The following TAF3 variants were observed in gnomAD, a reference collection of about 807,000 sequenced individuals.
The protein encoded by TAF3 is TATA-box binding protein associated factor 3.
TAF3 carries 7 observed loss-of-function variants against 80.6 expected under a neutral mutation model. The observed-to-expected ratio is 0.09, with a 90% CI of 0.05 to 0.16. TAF3 has a LOEUF of 0.16. Ranked by LOEUF, TAF3 falls within the 10% of genes least tolerant of loss-of-function variation. The pLI, the probability that TAF3 is intolerant of heterozygous loss-of-function variation, is 1.00. For synonymous variants in TAF3, 444 were observed against 446.1 expected, an observed-to-expected ratio of 1.00 and a Z score of 0.06; for missense variants, 921 against 1,140.2, an observed-to-expected ratio of 0.81 and a Z score of 2.77.
At position 7,818,554 on chromosome 10, in the gene TAF3, C is replaced by T. The variant is rs138979167; in HGVS notation, c.-156C>T. On this transcript the variant is annotated 5_prime_UTR_variant, in exon 1 of 7. Transcript: ENST00000344293. ...ATGGCGGCTCTCAGGCTGGCGCGCTCCGTGCTGCTGGGGCTTTGAGGTGGT... is the reference window on the plus strand; with the variant it reads ...ATGGCGGCTCTCAGGCTGGCGCGCTTCGTGCTGCTGGGGCTTTGAGGTGGT... 2.1e-5 allele frequency: 15 copies of T among 727,798 alleles called. No homozygotes were observed. The East Asian group carries it at 4.4e-4, about 21-fold the overall frequency. 45.1% of individuals were successfully genotyped at this position (727,798 alleles called of 1,614,324 possible).
intron 2 of TAF3, among the ~76,000 whole-genome samples, chr10:7,959,065 A>G (rs1025910129): frequency 1.3e-5 from 2 of 151,986 alleles, no homozygotes; most frequent in Non-Finnish European, 2.9e-5. Context: ...CCGTGAACCC[A>G]GGAGGCGGAG....
intron 2 of TAF3, among the ~76,000 whole-genome samples, chr10:7,960,272 A>G (rs1486453923): frequency 6.6e-6 from 1 of 152,222 alleles, no homozygotes; most frequent in African/African-American, 2.4e-5. Context: ...AGTTGAGCAG[A>G]TCTGAAGTCC....
chr10:7,858,472 A>G (rs1010779786), intron 2 of TAF3, among the ~76,000 whole-genome samples: 22 of 152,148 alleles, frequency 1.4e-4, no homozygotes, highest in Admixed American at 4.6e-4. Flanking sequence ...TCTTGCATCT[A>G]TACTTAACTG....
intron 2 of TAF3, among the ~76,000 whole-genome samples, chr10:7,953,778 GCAAA>G (rs1339229973): frequency 1.2e-4 from 18 of 152,310 alleles, no homozygotes; most frequent in African/African-American, 4.3e-4. Flanking sequence ...CACATCATAG[GCAAA>G]TGAATGAATT....
rs148149216 is a variant in TAF3, at chr10:7,971,792, C to T, written c.2233-5449C>T. Reference sequence around the variant, plus strand: ...GAGTTAGAGCTTTATCAGTTGGTGCCCTGAGGTGTGTGGCGAAGAAGCTAA... The same window carrying T: ...GAGTTAGAGCTTTATCAGTTGGTGCTCTGAGGTGTGTGGCGAAGAAGCTAA... On this transcript the variant is annotated intron_variant, in intron 3 of 6. Transcript: ENST00000344293. Among the ~76,000 whole-genome samples, 452 of 152,048 alleles carry T rather than the reference C, an allele frequency of 3.0e-3. 3 individuals carry two copies. Among genetic ancestry groups the T allele is most frequent in the South Asian group, 8.3e-3 (40 of 4,808 alleles).
intron 2 of TAF3, among the ~76,000 whole-genome samples, chr10:7,875,259 A>G (rs923063213): frequency 1.3e-5 from 2 of 152,154 alleles, no homozygotes; most frequent in Non-Finnish European, 2.9e-5. Flanking sequence ...TGCAGGTAAT[A>G]TAAGCATGTG....
intron 2 of TAF3, among the ~76,000 whole-genome samples, chr10:7,915,444 A>C (rs1174545415): frequency 7.0e-6 from 1 of 142,208 alleles, no homozygotes; most frequent in Admixed American, 7.0e-5. Context: ...GGAGATCGAG[A>C]CCATCCTGGC....
intron 2 of TAF3, among the ~76,000 whole-genome samples, chr10:7,831,510 T>C (rs1836799959): frequency 6.6e-6 from 1 of 152,148 alleles, no homozygotes; most frequent in Non-Finnish European, 1.5e-5. Context: ...CACGCCCGGC[T>C]AATTTTTGTA....
intron 4 of TAF3, among the ~76,000 whole-genome samples, chr10:8,006,255 A>C (rs1013019351): frequency 6.6e-6 from 1 of 151,514 alleles, no homozygotes; most frequent in Non-Finnish European, 1.5e-5. Context: ...GCATGCCTGT[A>C]ATCCCAGCTA....
intron 3 of TAF3, among the ~76,000 whole-genome samples, chr10:7,973,641 A>C: frequency 6.6e-6 from 1 of 152,224 alleles, no homozygotes; most frequent in Non-Finnish European, 1.5e-5. Context: ...TAAAAACCTT[A>C]ATGAGCACAT....
chr10:7,836,504 C>T (rs570059763), intron 2 of TAF3, among the ~76,000 whole-genome samples: 1 of 152,072 alleles, frequency 6.6e-6, no homozygotes, highest in Non-Finnish European at 1.5e-5. Context: ...GAACTCCCGA[C>T]CTTGGGTGAT....
chr10:7,874,004 A>G (rs1837292446), intron 2 of TAF3, among the ~76,000 whole-genome samples: 1 of 152,240 alleles, frequency 6.6e-6, no homozygotes, highest in Non-Finnish European at 1.5e-5. Flanking sequence ...AGCAAGGTCA[A>G]GATAAGTTTT....
At chr10:7,991,700 G>A (rs12258684) in intron 4 of TAF3, among the ~76,000 whole-genome samples, 26,661 of 152,030 alleles carry the variant, frequency 0.18, 3,392 homozygotes, top group African/African-American at 0.36. Flanking sequence ...CTCTAAATAA[G>A]TATATATACA....
chr10:7,976,426 T>G (rs1297889808), intron 3 of TAF3, among the ~76,000 whole-genome samples: 1 of 150,570 alleles, frequency 6.6e-6, no homozygotes, highest in Non-Finnish European at 1.5e-5. Flanking sequence ...TTTTTTTTTT[T>G]TTTTTTGAGA....
chr10:7,964,271 A>T lies in TAF3; in HGVS notation c.761A>T (p.Lys254Ile), dbSNP rs1831544669. ...CCGCCAATGTTGGCTCCAGTTGCAA[A>T]ATCACAAATGCCAACTGCAAAACCA... ...PEPPMLAPVA[K>I]SQMPTAKPLE... The change falls in exon 3 of 7, where the codon AAA (lysine) becomes ATA (isoleucine). Residue 254 changes from lysine to isoleucine, a missense_variant. Coordinates refer to ENST00000344293, the MANE Select transcript of TAF3 (RefSeq NM_031923.4). This position sits in a 1 kb window ranked among gnomAD's most constrained non-coding sequence, Gnocchi z 4.1. The T allele has an allele frequency of 6.2e-7, 1 of 1,614,190 alleles. No homozygotes were observed.
chr10:7,984,930 A>C (rs1831761889), intron 4 of TAF3, among the ~76,000 whole-genome samples: 1 of 152,188 alleles, frequency 6.6e-6, no homozygotes, highest in African/African-American at 2.4e-5. Context: ...ACAGATGAAA[A>C]CACTTAGGCA....
intron 2 of TAF3, among the ~76,000 whole-genome samples, chr10:7,893,382 G>A (rs997377367): frequency 2.0e-5 from 3 of 152,102 alleles, no homozygotes; most frequent in African/African-American, 4.8e-5. Context: ...TAAAAGATAC[G>A]TTGCTTTTAG....
intron 2 of TAF3, among the ~76,000 whole-genome samples, chr10:7,921,603 A>G (rs1837762829): frequency 6.6e-6 from 1 of 152,170 alleles, no homozygotes. Flanking sequence ...TTACACAGAT[A>G]TATTTGTGTG....
At chr10:7,994,525 A>T (rs1336498527) in intron 4 of TAF3, among the ~76,000 whole-genome samples, 2 of 152,154 alleles carry the variant, frequency 1.3e-5, no homozygotes, top group Non-Finnish European at 2.9e-5. Context: ...ATTGTTATTT[A>T]AAAAATAGAG....
Sources: allele counts gnomAD v4.1 joint callset (sites outside exome capture counted in the v4.1 genomes callset), GRCh38; gene constraint gnomAD v4.1.1; non-coding constraint Gnocchi (gnomAD v3.1); transcripts MANE v1.5; gene names NCBI Gene and HGNC (gene_info 2026-07-23, HGNC 2026-07-21).